CLNK: variants seen among roughly 807,000 people sequenced by gnomAD.
CLNK encodes the protein cytokine-dependent hematopoietic cell linker.
A neutral mutation model predicts 68.6 loss-of-function variants in CLNK; 74 were observed. That is an observed-to-expected ratio of 1.08 (90% CI 0.89 to 1.31). The LOEUF is 1.31. Among genes scored for constraint, CLNK ranks in the 50% most tolerant of loss-of-function variants. CLNK has a pLI of 0.00. For missense variants in CLNK, 553 were observed against 515.3 expected (o/e 1.07, Z -0.71); for synonymous variants, 198 against 172.2 (o/e 1.15, Z -1.17).
At chr4:10,499,750 T>C (rs528708228) in intron 18 of CLNK, among the ~76,000 whole-genome samples, 2 of 152,174 alleles carry the variant, frequency 1.3e-5, no homozygotes, top group African/African-American at 4.8e-5. Context: ...AAGGTCAAGG[T>C]GTTGGAAGGC....
At chr4:10,540,473 C>T in intron 11 of CLNK, 21 bp downstream of exon 11, 1 of 1,554,238 alleles carries the variant, frequency 6.4e-7, no homozygotes, top group Non-Finnish European at 8.9e-7. Flanking sequence ...GTCATTTCAC[C>T]ATTGATGATG....
chr4:10,547,566 C>G (rs1719284034), intron 8 of CLNK, among the ~76,000 whole-genome samples: 1 of 152,126 alleles, frequency 6.6e-6, no homozygotes, highest in African/African-American at 2.4e-5. Flanking sequence ...GCTGTAGGCA[C>G]TATGTGGTAG....
At chr4:10,491,471 C>G (rs181487158) in intron 18 of CLNK, among the ~76,000 whole-genome samples, 1 of 152,208 alleles carries the variant, frequency 6.6e-6, no homozygotes, top group Non-Finnish European at 1.5e-5. Flanking sequence ...GGGACAACCA[C>G]GGGGCTGCTT....
chr4:10,636,740 T>G (rs1723109418), intron 2 of CLNK, among the ~76,000 whole-genome samples: 1 of 152,142 alleles, frequency 6.6e-6, no homozygotes. Flanking sequence ...TCTGTGAGGT[T>G]GAAATGCTTG....
At chr4:10,631,972 G>T (rs370055836) in intron 2 of CLNK, among the ~76,000 whole-genome samples, 2 of 152,260 alleles carry the variant, frequency 1.3e-5, no homozygotes, top group Admixed American at 1.3e-4. Context: ...CTCAAGGTGC[G>T]CATTACCTGA....
chr4:10,527,442 G>GA (rs1406143785), intron 13 of CLNK, among the ~76,000 whole-genome samples: 1 of 152,244 alleles, frequency 6.6e-6, no homozygotes, highest in Non-Finnish European at 1.5e-5. Context: ...GCAGGCCTCT[G>GA]AAATCCTAAC....
At chr4:10,621,702 C>T (rs540407156) in intron 2 of CLNK, among the ~76,000 whole-genome samples, 8 of 152,328 alleles carry the variant, frequency 5.3e-5, no homozygotes, top group South Asian at 2.1e-4. Flanking sequence ...AAGGATGATG[C>T]GTGTGCTGCA....
chr4:10,508,178 G>C lies in CLNK; in HGVS notation c.907-142C>G, dbSNP rs1717392994. ...GTAGATATTCAGTACCTAACATTTAGTCCCTGAACTTGGAGAAGCCCACAG... is the reference window on the plus strand; with the variant it reads ...GTAGATATTCAGTACCTAACATTTACTCCCTGAACTTGGAGAAGCCCACAG... On this transcript the variant is annotated intron_variant, in intron 16 of 18. Coordinates refer to ENST00000226951, the MANE Select transcript of CLNK (RefSeq NM_052964.4). 2.0e-5 allele frequency: 12 copies of C among 606,592 alleles called. No individual in the cohort carries two copies. In the East Asian group the frequency reaches 3.7e-4, roughly 19 times the overall value. The allele number at this position is 606,592 out of a possible 1,614,324, so 37.6% of individuals were successfully genotyped here. A position where few individuals can be genotyped will look rare whatever the true frequency, so the allele number is the denominator to read the frequency against.
chr4:10,575,897 T>G (rs1004002429), intron 4 of CLNK, among the ~76,000 whole-genome samples: 1 of 152,238 alleles, frequency 6.6e-6, no homozygotes, highest in Non-Finnish European at 1.5e-5. Flanking sequence ...GTGGTAGTCC[T>G]CCCTGATTAA....
At chr4:10,709,469 A>C in the CLNK span, among the ~76,000 whole-genome samples, 3 of 152,158 alleles carry the variant, frequency 2.0e-5, no homozygotes, top group Non-Finnish European at 4.4e-5. Flanking sequence ...AGCTAATTTC[A>C]ATGAGTCTTT....
rs74876275 is a variant in CLNK at position 10,526,222 on chromosome 4, C to T, written c.650-300G>A. Among the ~76,000 whole-genome samples the T allele has an allele frequency of 2.1e-3, 313 of 152,200 alleles. 2 individuals are homozygous for T. The highest frequency in any genetic ancestry group is 7.2e-3 in the African/African-American group (299 of 41,540). On this transcript the variant is annotated intron_variant, in intron 13 of 18. Coordinates refer to ENST00000226951, the MANE Select transcript of CLNK (RefSeq NM_052964.4). ...AGGTATTTAGGGATTATTCTGGACCCGTGATTTTAAAAGATTTTTAGCTTC... is the reference window on the plus strand; with the variant it reads ...AGGTATTTAGGGATTATTCTGGACCTGTGATTTTAAAAGATTTTTAGCTTC...
intron 8 of CLNK, among the ~76,000 whole-genome samples, chr4:10,556,644 G>T (rs948169101): frequency 6.6e-5 from 10 of 152,194 alleles, no homozygotes; most frequent in Non-Finnish European, 1.3e-4. Flanking sequence ...ATATTATTAT[G>T]ACTGAGGCCA....
rs76419648 is a variant in CLNK at position 10,613,900 on chromosome 4, A to T, written c.12-15851T>A. ...GGCTTTGTCTTTGACAACCTGCAGG[A>T]TAGGTTCTGTCTCACCTGGAGAATG... is the stretch of plus-strand genomic sequence containing the variant. On this transcript the variant is annotated intron_variant, in intron 2 of 18. Coordinates refer to ENST00000226951, the MANE Select transcript of CLNK (RefSeq NM_052964.4). Among the ~76,000 whole-genome samples, 125 of 152,312 alleles carry T rather than the reference A, an allele frequency of 8.2e-4. No homozygotes were observed. The East Asian group carries it at 0.017, about 21-fold the overall frequency.
chr4:10,641,626 C>G (rs1234715992), intron 2 of CLNK, among the ~76,000 whole-genome samples: 1 of 152,194 alleles, frequency 6.6e-6, no homozygotes, highest in East Asian at 1.9e-4. Flanking sequence ...ACCTCTTCTT[C>G]TGAATGAATA....
At chr4:10,629,543 C>T (rs1015019806) in intron 2 of CLNK, among the ~76,000 whole-genome samples, 1 of 152,136 alleles carries the variant, frequency 6.6e-6, no homozygotes, top group Non-Finnish European at 1.5e-5. Context: ...CTAACACCCA[C>T]CAGGCATCTG....
chr4:10,658,118 G>C (rs1055702232), intron 2 of CLNK, among the ~76,000 whole-genome samples: 2 of 152,016 alleles, frequency 1.3e-5, no homozygotes, highest in African/African-American at 2.4e-5. Flanking sequence ...CCCCTTCCCA[G>C]GATTTGCTCC....
At chr4:10,683,890 T>C (rs967319921) in intron 1 of CLNK, among the ~76,000 whole-genome samples, 1 of 152,142 alleles carries the variant, frequency 6.6e-6, no homozygotes, top group African/African-American at 2.4e-5. Flanking sequence ...ATGTAGGTAA[T>C]AGACAAGTAA....
chr4:10,705,020 G>C, the CLNK span, among the ~76,000 whole-genome samples: 1 of 152,170 alleles, frequency 6.6e-6, no homozygotes, highest in Non-Finnish European at 1.5e-5. Flanking sequence ...GGGTGCAAGG[G>C]AAGTAACTTC....
At chr4:10,617,692 T>C (rs1223385530) in intron 2 of CLNK, among the ~76,000 whole-genome samples, 1 of 152,236 alleles carries the variant, frequency 6.6e-6, no homozygotes, top group African/African-American at 2.4e-5. Flanking sequence ...GTATCTCTAC[T>C]GTTATTTTGT....
Sources: gnomAD v4.1 joint callset for allele counts (sites outside exome capture counted in the v4.1 genomes callset) on GRCh38, gnomAD v4.1.1 for gene constraint, MANE v1.5 for transcripts, NCBI Gene and HGNC (gene_info 2026-07-23, HGNC 2026-07-21) for gene names.